The following SMYD3 variants were observed in gnomAD, a reference collection of about 807,000 sequenced individuals.
SMYD3 encodes SET and MYND domain containing 3, also known as histone-lysine N-methyltransferase SMYD3.
SMYD3 carries 36 observed loss-of-function variants against 57.7 expected under a neutral mutation model. The observed-to-expected ratio is 0.62, with a 90% CI of 0.48 to 0.82. The LOEUF (loss-of-function observed/expected upper bound fraction) is 0.82, where lower values mean the gene tolerates loss of function less well. Among genes scored for constraint, SMYD3 ranks in the 40% least tolerant of loss-of-function variants. The probability of loss-of-function intolerance (pLI) is 0.00; values close to 1 mark genes in which losing one functional copy is unlikely to be tolerated. For missense variants in SMYD3, 515 were observed against 538.8 expected, an observed-to-expected ratio of 0.96 and a Z score of 0.44; for synonymous variants, 211 against 195.0, an observed-to-expected ratio of 1.08 and a Z score of -0.68.
In SMYD3 at chr1:246,203,124, GAAAAGA is replaced by G. The variant is rs1465231508; in HGVS notation, c.531+124071_531+124076del. Among the ~76,000 whole-genome samples the G allele has an allele frequency of 2.0e-5, 3 of 151,978 alleles. No homozygotes were observed. The highest frequency in any genetic ancestry group is 6.6e-5 in the Admixed American group (1 of 15,244). On this transcript the variant is annotated intron_variant, in intron 5 of 11. Transcript: ENST00000490107. This position sits in a 1 kb window ranked among gnomAD's most constrained non-coding sequence, Gnocchi z 4.6. ...CAAGACTCCGTCTCAAAAAATAAAA[GAAAAGA>G]AAAAGAAAAAGAAAATAAAGGCTGG... is the stretch of plus-strand genomic sequence containing the variant.
At chr1:246,378,352 T>C (rs2066314266) in intron 1 of SMYD3, among the ~76,000 whole-genome samples, 1 of 151,996 alleles carries the variant, frequency 6.6e-6, no homozygotes, top group Admixed American at 6.6e-5. Context: ...AGATGAACAT[T>C]TGAGTCAGTG....
intron 5 of SMYD3, among the ~76,000 whole-genome samples, chr1:246,114,155 T>C (rs147265358): frequency 0.016 from 2,498 of 152,252 alleles, 73 homozygotes; most frequent in African/African-American, 0.058. Flanking sequence ...TAAGAATTTA[T>C]AGAGAGACAT....
chr1:246,435,041 C>T (rs980768731), intron 1 of SMYD3, among the ~76,000 whole-genome samples: 1 of 152,156 alleles, frequency 6.6e-6, no homozygotes, highest in African/African-American at 2.4e-5. Context: ...AGGCTATTCT[C>T]CTAAGCAAAT....
At chr1:246,098,101 G>A (rs1160166489) in intron 5 of SMYD3, among the ~76,000 whole-genome samples, 1 of 152,040 alleles carries the variant, frequency 6.6e-6, no homozygotes, top group Non-Finnish European at 1.5e-5. Context: ...GATACAAATA[G>A]ATGCCCTCAA....
At chr1:245,860,576 T>G (rs1165833444) in intron 9 of SMYD3, among the ~76,000 whole-genome samples, 2 of 152,194 alleles carry the variant, frequency 1.3e-5, no homozygotes, top group Non-Finnish European at 2.9e-5. Flanking sequence ...GCCTGTTCCA[T>G]CACACCCACT....
rs964673722 is a variant in SMYD3 at position 245,827,309 on chromosome 1, A to G, written c.1076+31187T>C. Among the ~76,000 whole-genome samples the G allele has an allele frequency of 5.3e-4, 80 of 152,298 alleles. 1 individual carries two copies. The highest frequency in any genetic ancestry group is 1.9e-3 in the African/African-American group (80 of 41,554). ...CCAGTGAGCCTTAGAGATGATCAAC[A>G]CAACAGAGAGCGACACTGAGGCCCA... On this transcript the variant is annotated intron_variant, in intron 10 of 11. Transcript: ENST00000490107.
chr1:246,506,877 G>A (rs1468110104), intron 1 of SMYD3, among the ~76,000 whole-genome samples, 177 bp downstream of exon 1: 1 of 152,206 alleles, frequency 6.6e-6, no homozygotes, highest in African/African-American at 2.4e-5. Context: ...GTGTCCGGGC[G>A]GGGCCTGTCA....
At chr1:246,110,951 C>T (rs2061227396) in intron 5 of SMYD3, among the ~76,000 whole-genome samples, 2 of 152,074 alleles carry the variant, frequency 1.3e-5, no homozygotes, top group Admixed American at 6.5e-5. Flanking sequence ...AACTTAGGAG[C>T]GAACTCTGCA....
chr1:246,246,839 T>A (rs2063711802), intron 5 of SMYD3, among the ~76,000 whole-genome samples: 1 of 141,142 alleles, frequency 7.1e-6, no homozygotes, highest in African/African-American at 2.6e-5. Flanking sequence ...ATTTTATACA[T>A]ATATACTATA....
At chr1:246,487,367 A>T (rs6686822) in intron 1 of SMYD3, among the ~76,000 whole-genome samples, 148,823 of 152,140 alleles carry the variant, frequency 0.98, 72,830 homozygotes, top group Non-Finnish European at 0.99. Context: ...GGCTAAGGCA[A>T]GAGAATCACT....
intron 10 of SMYD3, among the ~76,000 whole-genome samples, chr1:245,835,559 T>C (rs1335869775): frequency 6.6e-6 from 1 of 152,162 alleles, no homozygotes; most frequent in Non-Finnish European, 1.5e-5. Flanking sequence ...CAGAGAAAAT[T>C]AGTAACAAAC....
chr1:246,192,703 G>A (rs1032018685), intron 5 of SMYD3, among the ~76,000 whole-genome samples: 1 of 152,168 alleles, frequency 6.6e-6, no homozygotes, highest in South Asian at 2.1e-4. Context: ...AATAAAATTA[G>A]TAATGATTGT....
At chr1:246,356,939 A>G (rs899190176) in intron 1 of SMYD3, among the ~76,000 whole-genome samples, 1 of 152,226 alleles carries the variant, frequency 6.6e-6, no homozygotes, top group African/African-American at 2.4e-5. Flanking sequence ...ACAAGCTCAA[A>G]GAACACCTGG....
intron 1 of SMYD3, among the ~76,000 whole-genome samples, chr1:246,371,967 C>T (rs1455574420): frequency 6.6e-6 from 1 of 152,204 alleles, no homozygotes; most frequent in Admixed American, 6.5e-5. Context: ...TGCCTCAAGT[C>T]TCCTTGGAAC....
rs548049643 is a variant in SMYD3, at chr1:246,179,731, T to C, written c.531+147470A>G. 5.9e-5 allele frequency among the ~76,000 whole-genome samples: 9 copies of C among 152,332 alleles called. No homozygotes were observed. In the South Asian group the frequency reaches 1.9e-3, roughly 32 times the overall value. On this transcript the variant is annotated intron_variant, in intron 5 of 11. Coordinates refer to ENST00000490107, the MANE Select transcript of SMYD3 (RefSeq NM_001167740.2). Reference sequence around the variant, plus strand: ...TAACCTTGAGTATATGAAGGGATACTACATTTCATTCCTGATAAATTTTGG... The same window carrying C: ...TAACCTTGAGTATATGAAGGGATACCACATTTCATTCCTGATAAATTTTGG...
intron 5 of SMYD3, among the ~76,000 whole-genome samples, chr1:245,948,981 G>A (rs1382746234): frequency 2.0e-5 from 3 of 152,178 alleles, no homozygotes; most frequent in Non-Finnish European, 2.9e-5. Flanking sequence ...GCCTGAGGAT[G>A]GGCCTGCCCG....
intron 5 of SMYD3, among the ~76,000 whole-genome samples, chr1:246,064,986 A>C (rs898882733): frequency 2.6e-5 from 4 of 152,198 alleles, no homozygotes; most frequent in Non-Finnish European, 5.9e-5. Flanking sequence ...TGATTACTTC[A>C]CTTACACTTT....
chr1:246,197,694 G>A (rs2148349665), intron 5 of SMYD3, among the ~76,000 whole-genome samples: 1 of 152,178 alleles, frequency 6.6e-6, no homozygotes. Flanking sequence ...TAAAATCCAA[G>A]GGAATCTGAA....
intron 5 of SMYD3, among the ~76,000 whole-genome samples, chr1:246,168,139 G>C (rs1057426836): frequency 3.7e-4 from 57 of 152,142 alleles, no homozygotes; most frequent in Admixed American, 3.7e-3. Flanking sequence ...TATCTTAAGA[G>C]TAAACCTCGT....
Sources: allele counts gnomAD v4.1 joint callset (sites outside exome capture counted in the v4.1 genomes callset), GRCh38; gene constraint gnomAD v4.1.1; non-coding constraint Gnocchi (gnomAD v3.1); transcripts MANE v1.5; gene names NCBI Gene and HGNC (gene_info 2026-07-23, HGNC 2026-07-21).